Variants in C12orf75 observed in about 807,000 individuals in gnomAD.
C12orf75 encodes the protein chromosome 12 open reading frame 75, also known as overexpressed in colon carcinoma 1 protein.
C12orf75 carries 4 observed loss-of-function variants against 11.4 expected under a neutral mutation model. That is an observed-to-expected ratio of 0.35 (90% CI 0.17 to 0.80). The LOEUF is 0.80. C12orf75 is among the 30% of genes least tolerant of loss of function. The pLI is 0.52. For missense variants in C12orf75, 89 were observed against 80.4 expected (o/e 1.11, Z -0.41); for synonymous variants, 30 against 30.0 (o/e 1.00, Z 0.00).
At chr12:105,338,454 G>A (rs1003858113) in intron 1 of C12orf75, among the ~76,000 whole-genome samples, 11 of 152,190 alleles carry the variant, frequency 7.2e-5, no homozygotes, top group Non-Finnish European at 1.6e-4. Context: ...GATTACAGGT[G>A]TGAGCCACTG....
intron 1 of C12orf75, among the ~76,000 whole-genome samples, chr12:105,337,150 C>G (rs1892508331): frequency 6.6e-6 from 1 of 151,954 alleles, no homozygotes; most frequent in African/African-American, 2.4e-5. Context: ...ATGGCGAAAC[C>G]CCATCTCTAC....
intron 2 of C12orf75, among the ~76,000 whole-genome samples, chr12:105,356,215 A>C (rs536655125): frequency 6.6e-6 from 1 of 152,190 alleles, no homozygotes; most frequent in Admixed American, 6.5e-5. Context: ...GTTATAAAGA[A>C]AATTAAATAA....
intron 1 of C12orf75, among the ~76,000 whole-genome samples, chr12:105,341,715 G>C (rs1190212683): frequency 6.6e-6 from 1 of 152,194 alleles, no homozygotes; most frequent in African/African-American, 2.4e-5. Context: ...GGGTAGATAA[G>C]TTCACCAACC....
At chr12:105,354,473 C>G (rs1183745931) in intron 2 of C12orf75, among the ~76,000 whole-genome samples, 5 of 152,140 alleles carry the variant, frequency 3.3e-5, no homozygotes, top group Admixed American at 2.6e-4. Flanking sequence ...GTGGGGAGCA[C>G]AGAGAGCTGA....
intron 1 of C12orf75, among the ~76,000 whole-genome samples, chr12:105,336,366 G>T (rs1394820161): frequency 6.6e-6 from 1 of 152,198 alleles, no homozygotes; most frequent in Non-Finnish European, 1.5e-5. Context: ...ATTTGCTGAG[G>T]CTGTCTGTTC....
At chr12:105,351,165 G>A (rs1224245067) in intron 2 of C12orf75, among the ~76,000 whole-genome samples, 3 of 152,128 alleles carry the variant, frequency 2.0e-5, no homozygotes. Flanking sequence ...ATTAGGTGAT[G>A]CCATGAATGA....
intron 4 of C12orf75, 87 bp downstream of exon 4, chr12:105,366,783 T>C: frequency 1.2e-6 from 1 of 814,416 alleles, no homozygotes. Flanking sequence ...TTCAGCTTAC[T>C]CGACTCAACC....
intron 3 of C12orf75, 196 bp downstream of exon 3, chr12:105,366,038 G>T: frequency 1.6e-6 from 1 of 609,860 alleles, no homozygotes; most frequent in African/African-American, 1.8e-5. Flanking sequence ...AAGCAAACTT[G>T]GTTTTTGTCC....
chr12:105,357,826 GA>G (rs1482542606), intron 2 of C12orf75, among the ~76,000 whole-genome samples: 5 of 150,594 alleles, frequency 3.3e-5, no homozygotes, highest in African/African-American at 1.2e-4. Context: ...GAGAGAGAGA[GA>G]GAGGAGAGAG....
intron 2 of C12orf75, among the ~76,000 whole-genome samples, chr12:105,361,363 A>G (rs1317001975): frequency 6.6e-6 from 1 of 152,180 alleles, no homozygotes; most frequent in Non-Finnish European, 1.5e-5. Context: ...TGTTGTTTGG[A>G]TAGCTGGGGC....
chr12:105,360,525 A>G (rs746403420), intron 2 of C12orf75, among the ~76,000 whole-genome samples: 4 of 152,364 alleles, frequency 2.6e-5, no homozygotes, highest in Middle Eastern at 6.8e-3. Context: ...GTGTACCTGT[A>G]AATGTAAAAT....
intron 1 of C12orf75, among the ~76,000 whole-genome samples, chr12:105,343,971 T>G (rs1892605369): frequency 6.6e-6 from 1 of 152,182 alleles, no homozygotes; most frequent in Admixed American, 6.5e-5. Context: ...AGGGCCATTT[T>G]AGAACAGAGG....
chr12:105,341,891 T>A (rs1198511335), intron 1 of C12orf75, among the ~76,000 whole-genome samples: 1 of 152,170 alleles, frequency 6.6e-6, no homozygotes, highest in South Asian at 2.1e-4. Context: ...AGTCATGAGA[T>A]CTGATGGTTT....
At chr12:105,370,483 C>A (rs1736508371) in intron 5 of C12orf75, among the ~76,000 whole-genome samples, 151 bp from the exon 6 acceptor site, 1 of 152,148 alleles carries the variant, frequency 6.6e-6, no homozygotes, top group Non-Finnish European at 1.5e-5. Flanking sequence ...CTACACTGGC[C>A]ACCTAAGTCT....
intron 1 of C12orf75, among the ~76,000 whole-genome samples, chr12:105,336,296 G>C (rs1234007306): frequency 6.6e-6 from 1 of 152,212 alleles, no homozygotes; most frequent in Admixed American, 6.5e-5. Flanking sequence ...GGGCTCTGCA[G>C]CTAAAAAGGC....
chr12:105,353,313 T>A (rs1223701718), intron 2 of C12orf75, among the ~76,000 whole-genome samples: 3 of 152,200 alleles, frequency 2.0e-5, no homozygotes, highest in African/African-American at 7.2e-5. Context: ...GCTTCCTAAT[T>A]CCTGTGGAAA....
chr12:105,344,715 C>T (rs1195337980), intron 1 of C12orf75, among the ~76,000 whole-genome samples: 1 of 149,360 alleles, frequency 6.7e-6, no homozygotes, highest in African/African-American at 2.5e-5. Context: ...TGCCGCACTC[C>T]AGCCTAGGCA....
chr12:105,366,819 T>C lies in C12orf75; in HGVS notation c.187+123T>C, dbSNP rs1871493332. 4 of 620,292 alleles carry C rather than the reference T, an allele frequency of 6.4e-6. No individual in the cohort carries two copies. In the Admixed American group the frequency reaches 1.0e-4, roughly 16 times the overall value. 38.4% of individuals were successfully genotyped at this position (620,292 alleles called of 1,614,324 possible). On this transcript the variant is annotated intron_variant, in intron 4 of 5. Transcript: ENST00000443585. ...TATGTATTGGTTGCAGTGAACCATG[T>C]ATAAGTACTGTCTGTTCATTGCAGT...
At chr12:105,365,779 C>T in intron 2 of C12orf75, 28 bp from the exon 3 acceptor site, 1 of 1,515,684 alleles carries the variant, frequency 6.6e-7, no homozygotes, top group Non-Finnish European at 9.0e-7. Flanking sequence ...AACCAAGTGT[C>T]TCATAGCAAA....
Sources: gnomAD v4.1 joint callset for allele counts (sites outside exome capture counted in the v4.1 genomes callset) on GRCh38, gnomAD v4.1.1 for gene constraint, MANE v1.5 for transcripts, NCBI Gene and HGNC (gene_info 2026-07-23, HGNC 2026-07-21) for gene names.